Variants in IREB2 observed in about 807,000 individuals in gnomAD.
IREB2 encodes iron responsive element binding protein 2.
In IREB2, 39 loss-of-function variants were observed where a neutral mutation model predicts 118.8. The observed-to-expected ratio is 0.33, with a 90% CI of 0.25 to 0.43. The LOEUF is 0.43. IREB2 is among the 20% of genes least tolerant of loss of function. The pLI, the probability that IREB2 is intolerant of heterozygous loss-of-function variation, is 1.00. For synonymous variants in IREB2, 372 were observed against 392.2 expected, an observed-to-expected ratio of 0.95 and a Z score of 0.61; for missense variants, 900 against 1,147.3, an observed-to-expected ratio of 0.78 and a Z score of 3.11.
intron 10 of IREB2, among the ~76,000 whole-genome samples, chr15:78,481,388 G>A (rs555086093): frequency 1.2e-4 from 18 of 151,292 alleles, no homozygotes; most frequent in East Asian, 2.0e-4. Context: ...AGAGAATCTC[G>A]CTCTGTCACC....
chr15:78,473,723 G>A (rs939114548), intron 8 of IREB2: 2 of 175,054 alleles, frequency 1.1e-5, no homozygotes, highest in African/African-American at 4.7e-5. Flanking sequence ...GTAGTAAGGG[G>A]TAGAGCAAAG....
At chr15:78,471,403 A>G (rs1370339712) in intron 6 of IREB2, among the ~76,000 whole-genome samples, 1 of 152,192 alleles carries the variant, frequency 6.6e-6, no homozygotes, top group Non-Finnish European at 1.5e-5. Context: ...AGAAAGATGA[A>G]AACAGTGGCT....
At chr15:78,487,672 C>T (rs181895787) in intron 13 of IREB2, 61 bp from the exon 14 acceptor site, 37 of 895,552 alleles carry the variant, frequency 4.1e-5, no homozygotes, top group Middle Eastern at 2.2e-4. Context: ...CAAGATAAGA[C>T]TTGTCCTTTC....
At chr15:78,477,051 A>G (rs2051483624) in intron 9 of IREB2, among the ~76,000 whole-genome samples, 2 of 152,120 alleles carry the variant, frequency 1.3e-5, no homozygotes, top group African/African-American at 4.8e-5. Context: ...GTGCAGGCAG[A>G]TTATTATGTT....
chr15:78,498,940 G>A lies in IREB2; in HGVS notation c.*797G>A, dbSNP rs2051890052. 6.6e-6 allele frequency: 1 copy of A among 152,150 alleles called. No homozygotes were observed. The highest frequency in any genetic ancestry group is 1.5e-5 in the Non-Finnish European group (1 of 68,040). The allele number at this position is 152,150 out of a possible 1,614,324, so 9.4% of individuals were successfully genotyped here. A position where few individuals can be genotyped will look rare whatever the true frequency, so the allele number is the denominator to read the frequency against. On this transcript the variant is annotated 3_prime_UTR_variant, in exon 22 of 22. Coordinates refer to ENST00000258886, the MANE Select transcript of IREB2 (RefSeq NM_004136.4). ...GATTAGATTATTTTGCTCACCTTAT[G>A]TAATACTGTAACTTCCTATAACCTA...
chr15:78,496,634 G>C (rs901487090), intron 20 of IREB2, among the ~76,000 whole-genome samples: 3 of 151,814 alleles, frequency 2.0e-5, no homozygotes, highest in African/African-American at 7.3e-5. Flanking sequence ...TCACTATATT[G>C]CCCAGGCTGG....
At chr15:78,490,547 T>A (rs751321440) in intron 17 of IREB2, 21 bp downstream of exon 17, 1 of 1,603,438 alleles carries the variant, frequency 6.2e-7, no homozygotes, top group Admixed American at 1.7e-5. Context: ...TTTTACTATT[T>A]GATCTTTTAA....
At chr15:78,483,867 TC>T (rs35963719) in intron 11 of IREB2, among the ~76,000 whole-genome samples, 151,228 of 151,230 alleles carry the variant, frequency 1, 75,613 homozygotes, top group Middle Eastern at 1. Flanking sequence ...CACTGCAACC[TC>T]CCCCCTCCCG....
intron 10 of IREB2, among the ~76,000 whole-genome samples, chr15:78,479,124 T>G (rs948023204): frequency 4.6e-5 from 7 of 151,906 alleles, no homozygotes; most frequent in Admixed American, 1.3e-4. Context: ...TTTAATATTA[T>G]TATTTTTTGG....
chr15:78,481,121 G>C (rs2051561893), intron 10 of IREB2, among the ~76,000 whole-genome samples: 1 of 152,142 alleles, frequency 6.6e-6, no homozygotes, highest in Non-Finnish European at 1.5e-5. Flanking sequence ...TTCAGGACTA[G>C]CATCATAAGC....
At chr15:78,451,831 G>A (rs1007899594) in intron 2 of IREB2, among the ~76,000 whole-genome samples, 4 of 152,072 alleles carry the variant, frequency 2.6e-5, no homozygotes, top group Admixed American at 2.0e-4. Context: ...GGAACTACAG[G>A]TGTGAGCCAC....
At chr15:78,484,579 A>G (rs1389851059) in intron 11 of IREB2, among the ~76,000 whole-genome samples, 182 bp from the exon 12 acceptor site, 3 of 152,228 alleles carry the variant, frequency 2.0e-5, no homozygotes, top group Admixed American at 6.5e-5. Context: ...TGTCGTGCCC[A>G]TGCAGATTTA....
intron 2 of IREB2, among the ~76,000 whole-genome samples, chr15:78,462,555 G>A (rs527770054): frequency 3.3e-5 from 5 of 152,118 alleles, no homozygotes; most frequent in Middle Eastern, 6.8e-3. Flanking sequence ...CCATACCAGG[G>A]GATGTCTGCA....
Position 78,466,337 on chromosome 15 carries a change from T to C in IREB2, c.477T>C (p.Leu159=). The C allele has an allele frequency of 1.2e-6, 2 of 1,614,026 alleles. No homozygotes were observed. Among genetic ancestry groups the C allele is most frequent in the South Asian group, 1.1e-5 (1 of 91,080 alleles). Residue 159 remains leucine, a synonymous_variant, in exon 5 of 22, where the codon CTT becomes CTC. Transcript: ENST00000258886. The part of the protein sequence containing the change: ...DLQKAGKLSP[L]KVQPKKLPCR... ...AGAAAGCAGGAAAGCTCTCTCCACT[T>C]AAAGTGCAGCCTAAGAAGCTTCCCT... is the stretch of plus-strand genomic sequence containing the variant.
At chr15:78,480,720 G>A (rs558964630) in intron 10 of IREB2, among the ~76,000 whole-genome samples, 1 of 150,514 alleles carries the variant, frequency 6.6e-6, no homozygotes, top group East Asian at 2.0e-4. Context: ...CTGGCCGGGC[G>A]TGGTGGCTCA....
chr15:78,478,539 C>CA (rs1439835100), intron 10 of IREB2, 142 bp downstream of exon 10: 23 of 544,926 alleles, frequency 4.2e-5, no homozygotes, highest in Admixed American at 3.0e-4. Context: ...CCTGTCACTG[C>CA]AAAAAAACTA....
At chr15:78,479,344 A>T (rs974173308) in intron 10 of IREB2, among the ~76,000 whole-genome samples, 1 of 150,120 alleles carries the variant, frequency 6.7e-6, no homozygotes, top group African/African-American at 2.4e-5. Flanking sequence ...TTTTACATAG[A>T]GTTTTATTAT....
At position 78,499,450 on chromosome 15, in the gene IREB2, CTAGT is replaced by C. The variant is rs564289097; in HGVS notation, c.*1314_*1317del. On this transcript the variant is annotated 3_prime_UTR_variant, in exon 22 of 22. Coordinates refer to ENST00000258886, the MANE Select transcript of IREB2 (RefSeq NM_004136.4). ...TTTCACATAGATATCTTTCTATGAC[CTAGT>C]TAGTTACTGCAATTCAGAATTAGTT... 3.3e-5 allele frequency: 5 copies of C among 151,882 alleles called. No individual in the cohort carries two copies. The highest frequency in any genetic ancestry group is 6.6e-5 in the Admixed American group (1 of 15,246). The allele number at this position is 151,882 out of a possible 1,614,324, so 9.4% of individuals were successfully genotyped here.
chr15:78,480,971 T>G (rs1773680927), intron 10 of IREB2, among the ~76,000 whole-genome samples: 1 of 151,402 alleles, frequency 6.6e-6, no homozygotes, highest in Non-Finnish European at 1.5e-5. Flanking sequence ...ATGGCACCAC[T>G]GTATTCCAGC....
Sources: gnomAD v4.1 joint callset for allele counts (sites outside exome capture counted in the v4.1 genomes callset) on GRCh38, gnomAD v4.1.1 for gene constraint, MANE v1.5 for transcripts, NCBI Gene and HGNC (gene_info 2026-07-23, HGNC 2026-07-21) for gene names.